DPYSL4: variants seen among roughly 807,000 people sequenced by gnomAD.
The protein encoded by DPYSL4 is dihydropyrimidinase-related protein 4.
Under a neutral mutation model 63.4 loss-of-function variants are expected in DPYSL4, and 43 were observed. The ratio of observed to expected loss-of-function variants is 0.68; its 90% CI spans 0.53 to 0.88. The LOEUF is 0.88. Among genes scored for constraint, DPYSL4 ranks in the 40% least tolerant of loss-of-function variants. The pLI, the probability that DPYSL4 is intolerant of heterozygous loss-of-function variation, is 0.00. For missense variants in DPYSL4, 733 were observed against 819.5 expected, an observed-to-expected ratio of 0.89 and a Z score of 1.29; for synonymous variants, 353 against 331.7, an observed-to-expected ratio of 1.06 and a Z score of -0.70.
chr10:132,193,440 G>A (rs2061902985), intron 3 of DPYSL4, among the ~76,000 whole-genome samples: 1 of 152,222 alleles, frequency 6.6e-6, no homozygotes, highest in Non-Finnish European at 1.5e-5. Context: ...GCTCAGCCCA[G>A]CTGGGCTCAG....
rs376218842 is a variant in DPYSL4, at chr10:132,205,005, C to G, written c.*75C>G. The G allele has an allele frequency of 8.2e-7, 1 of 1,214,410 alleles. No individual in the cohort carries two copies. 75.2% of individuals were successfully genotyped at this position (1,214,410 alleles called of 1,614,324 possible). A position where few individuals can be genotyped will look rare whatever the true frequency, so the allele number is the denominator to read the frequency against. The stretch of plus-strand genomic sequence containing the variant: ...GGGGCCCCAGGGCACTCGCCCCCCT[C>G]CTTAGCATTTTCTTTTGTAGAAGTT... On this transcript the variant is annotated 3_prime_UTR_variant, in exon 14 of 14. Coordinates refer to ENST00000338492, the MANE Select transcript of DPYSL4 (RefSeq NM_006426.3).
intron 4 of DPYSL4, among the ~76,000 whole-genome samples, chr10:132,195,972 C>G (rs1490329550): frequency 1.3e-5 from 2 of 152,234 alleles, no homozygotes; most frequent in African/African-American, 4.8e-5. Flanking sequence ...GGTAGTGTTG[C>G]AGGGACAGCA....
At chr10:132,198,310 G>T in intron 6 of DPYSL4, 105 bp from the exon 7 acceptor site, 2 of 1,085,842 alleles carry the variant, frequency 1.8e-6, no homozygotes, top group East Asian at 5.2e-5. Flanking sequence ...GAGGCCTGGG[G>T]GTCCAGGACC....
At chr10:132,202,255 C>T in intron 11 of DPYSL4, 139 bp downstream of exon 11, 2 of 1,133,724 alleles carry the variant, frequency 1.8e-6, no homozygotes, top group South Asian at 1.5e-5. Context: ...TCCACACAGC[C>T]TGTCCCAGGC....
At chr10:132,201,161 C>T (rs113423419) in intron 10 of DPYSL4, among the ~76,000 whole-genome samples, 178 bp downstream of exon 10, 164 of 152,280 alleles carry the variant, frequency 1.1e-3, no homozygotes, top group African/African-American at 3.9e-3. Context: ...GTTCTGGCCC[C>T]TCCAGATGAG....
Position 132,187,229 on chromosome 10 carries a change from C to T in DPYSL4, c.39+127C>T, listed in dbSNP as rs537835599. ...CCTGCCTTTGCGTCTGGTCCCTGTCCTGGCGCCCGCCCTTCCCTGCTCGGC... is the reference window on the plus strand; with the variant it reads ...CCTGCCTTTGCGTCTGGTCCCTGTCTTGGCGCCCGCCCTTCCCTGCTCGGC... On this transcript the variant is annotated intron_variant, in intron 1 of 13. Transcript: ENST00000338492. 35 of 611,492 alleles carry T rather than the reference C, an allele frequency of 5.7e-5. No homozygotes were observed. The East Asian group carries it at 1.2e-3, about 20-fold the overall frequency. 37.9% of individuals were successfully genotyped at this position (611,492 alleles called of 1,614,324 possible).
At position 132,194,853 on chromosome 10, in the gene DPYSL4, G is replaced by A. The variant is rs185016179; in HGVS notation, c.322G>A (p.Val108Ile). 265 of 1,612,504 alleles carry A rather than the reference G, an allele frequency of 1.6e-4. No individual in the cohort carries two copies. In the East Asian group the frequency reaches 4.8e-3, roughly 29 times the overall value. Residue 108 changes from valine (V) to isoleucine (I), a missense_variant, in exon 4 of 14, where the codon GTC (valine) becomes ATC (isoleucine). Transcript: ENST00000338492. ...CCATGCTGCCTTCACAGTGGACCAC[G>A]TCTTCCCCGACACGGGTGTGAGCCT... ...AGGTTMILDH[V>I]FPDTGVSLLA...
At chr10:132,189,962 G>A (rs556984356) in intron 1 of DPYSL4, among the ~76,000 whole-genome samples, 7 of 152,206 alleles carry the variant, frequency 4.6e-5, no homozygotes, top group East Asian at 1.9e-4. Context: ...TCCATCCCTC[G>A]GCCTCCTCCC....
Position 132,187,092 on chromosome 10 carries a change from C to T in DPYSL4, c.29C>T (p.Pro10Leu), listed in dbSNP as rs766405880. MSFQGKKSI[P>L]RITSDRLLIR... ...TCCTTCCAGGGCAAGAAAAGCATCC[C>T]CCGGATCACGGTGAGCCCGGTCCCG... Residue 10 changes from proline to leucine, a missense_variant, in exon 1 of 14, where the codon CCC becomes CTC. Transcript: ENST00000338492. 8.0e-6 allele frequency: 12 copies of T among 1,506,566 alleles called. No homozygotes were observed. Among genetic ancestry groups the T allele is most frequent in the Non-Finnish European group, 1.1e-5 (12 of 1,118,108 alleles). The allele number at this position is 1,506,566 out of a possible 1,614,324, so 93.3% of individuals were successfully genotyped here.
intron 1 of DPYSL4, among the ~76,000 whole-genome samples, chr10:132,189,568 T>G (rs1406612597): frequency 2.6e-5 from 4 of 151,102 alleles, no homozygotes; most frequent in Non-Finnish European, 5.9e-5. Flanking sequence ...CCACTGGGAG[T>G]GCGTCCGAGC....
intron 13 of DPYSL4, among the ~76,000 whole-genome samples, chr10:132,204,509 G>A (rs1413506648): frequency 6.6e-6 from 1 of 152,154 alleles, no homozygotes; most frequent in East Asian, 1.9e-4. Flanking sequence ...CACTGTCTGG[G>A]AGGCCAGGGG....
chr10:132,197,439 C>T (rs1246410192), intron 6 of DPYSL4, among the ~76,000 whole-genome samples: 9 of 152,230 alleles, frequency 5.9e-5, no homozygotes, highest in African/African-American at 2.2e-4. Flanking sequence ...GGGTTACCAC[C>T]TTCCTTCCAG....
intron 11 of DPYSL4, 47 bp downstream of exon 11, chr10:132,202,163 G>A (rs533057607): frequency 3.8e-6 from 6 of 1,585,324 alleles, no homozygotes; most frequent in Middle Eastern, 3.7e-4. Flanking sequence ...GTGGGGCCGG[G>A]ACCCCAGGGC....
Position 132,187,009 on chromosome 10 carries a change from G to GGGGGGGGGGGGGGC in DPYSL4, c.-55_-54insGGGGGGGGGGGGGC. The GGGGGGGGGGGGGGC allele has an allele frequency of 3.0e-5, 2 of 65,724 alleles. No homozygotes were observed. Among genetic ancestry groups the GGGGGGGGGGGGGGC allele is most frequent in the Non-Finnish European group, 5.7e-5 (2 of 34,880 alleles). The allele number at this position is 65,724 out of a possible 1,614,324, so 4.1% of individuals were successfully genotyped here. On this transcript the variant is annotated 5_prime_UTR_variant, in exon 1 of 14. Coordinates refer to ENST00000338492, the MANE Select transcript of DPYSL4 (RefSeq NM_006426.3). The stretch of plus-strand genomic sequence containing the variant: ...GGCTCACGCGTCCCCCCGCCCGCCC[G>GGGGGGGGGGGGGGC]CCCGCCCGCCCGCCCCCGCTTGTGC...
At position 132,204,762 on chromosome 10, in the gene DPYSL4, ACT is replaced by A; in HGVS notation, c.1628-74_1628-73del. The A allele has an allele frequency of 6.9e-6, 9 of 1,302,460 alleles. No homozygotes were observed. In the South Asian group the frequency reaches 1.2e-4, roughly 18 times the overall value. 80.7% of individuals were successfully genotyped at this position (1,302,460 alleles called of 1,614,324 possible). Reference sequence around the variant, plus strand: ...CCTGGCCCCACTGACGCAGCCACTGACTCTGCCTCACGCCTTGAATAGAAGGG... The same window carrying A: ...CCTGGCCCCACTGACGCAGCCACTGACTGCCTCACGCCTTGAATAGAAGGG... On this transcript the variant is annotated intron_variant, in intron 13 of 13. Transcript: ENST00000338492.
intron 6 of DPYSL4, among the ~76,000 whole-genome samples, chr10:132,197,357 A>G (rs1200315729): frequency 6.6e-6 from 1 of 152,210 alleles, no homozygotes; most frequent in Non-Finnish European, 1.5e-5. Flanking sequence ...CTTATCCAAA[A>G]TACCTCAAAA....
intron 8 of DPYSL4, among the ~76,000 whole-genome samples, chr10:132,199,400 G>A (rs898272911): frequency 6.6e-6 from 1 of 152,138 alleles, no homozygotes; most frequent in African/African-American, 2.4e-5. Context: ...AGAGCCTCAG[G>A]CCTGGGCGGG....
chr10:132,200,580 G>C, intron 9 of DPYSL4, 68 bp downstream of exon 9: 1 of 1,575,580 alleles, frequency 6.3e-7, no homozygotes, highest in Non-Finnish European at 8.6e-7. Context: ...CTGTGGCCCC[G>C]ACACCCCAGG....
chr10:132,197,648 C>T (rs1479067875), intron 6 of DPYSL4, among the ~76,000 whole-genome samples: 2 of 152,238 alleles, frequency 1.3e-5, no homozygotes, highest in Non-Finnish European at 2.9e-5. Flanking sequence ...ACCCCATACC[C>T]GTGGGACCTC....
Sources: allele counts gnomAD v4.1 joint callset (sites outside exome capture counted in the v4.1 genomes callset), GRCh38; gene constraint gnomAD v4.1.1; transcripts MANE v1.5; gene names NCBI Gene and HGNC (gene_info 2026-07-23, HGNC 2026-07-21).